Variants in UNC13C observed in about 807,000 individuals in gnomAD.
The protein encoded by UNC13C is unc-13 homolog C.
UNC13C carries 174 observed loss-of-function variants against 245.4 expected under a neutral mutation model. That is an observed-to-expected ratio of 0.71 (90% CI 0.63 to 0.80). The LOEUF is 0.80. UNC13C is among the 30% of genes least tolerant of loss of function. The probability of loss-of-function intolerance (pLI) is 0.00; values close to 1 mark genes in which losing one functional copy is unlikely to be tolerated. For missense variants in UNC13C, 2,829 were observed against 2,602.9 expected (o/e 1.09, Z -1.89); for synonymous variants, 992 against 895.1 (o/e 1.11, Z -1.93).
intron 17 of UNC13C, among the ~76,000 whole-genome samples, chr15:54,355,646 C>T (rs763935811): frequency 7.3e-4 from 111 of 152,072 alleles, no homozygotes; most frequent in Non-Finnish European, 1.5e-3. Flanking sequence ...GTGTGAGCCA[C>T]AGCACCCAGC....
intron 19 of UNC13C, among the ~76,000 whole-genome samples, chr15:54,462,366 C>G (rs1891894281): frequency 6.6e-6 from 1 of 152,342 alleles, no homozygotes; most frequent in African/African-American, 2.4e-5. Flanking sequence ...GCTTGAGGAG[C>G]CCTTCAGCCC....
chr15:53,899,738 A>T, the UNC13C span, among the ~76,000 whole-genome samples: 2 of 151,930 alleles, frequency 1.3e-5, no homozygotes, highest in African/African-American at 4.8e-5. Context: ...CTATTTTTGT[A>T]TTTTTAGTAG....
chr15:54,564,978 AG>A (rs1017042351), intron 29 of UNC13C, among the ~76,000 whole-genome samples: 1 of 151,926 alleles, frequency 6.6e-6, no homozygotes, highest in Admixed American at 6.6e-5. Flanking sequence ...CGAGACTCCC[AG>A]GGTTTGTCTT....
At chr15:54,318,702 A>G (rs2038072709) in intron 13 of UNC13C, among the ~76,000 whole-genome samples, 1 of 151,874 alleles carries the variant, frequency 6.6e-6, no homozygotes, top group Admixed American at 6.6e-5. Flanking sequence ...CTCATCCTGC[A>G]GGTTATCTCT....
At chr15:54,309,175 T>C (rs1334118992) in intron 13 of UNC13C, among the ~76,000 whole-genome samples, 2 of 151,870 alleles carry the variant, frequency 1.3e-5, no homozygotes, top group Non-Finnish European at 2.9e-5. Flanking sequence ...TGTTATCTTT[T>C]ACCTTTTTTG....
intron 2 of UNC13C, among the ~76,000 whole-genome samples, chr15:54,030,269 T>C (rs1896301424): frequency 6.6e-6 from 1 of 152,088 alleles, no homozygotes; most frequent in Non-Finnish European, 1.5e-5. Context: ...CTCATTTTGC[T>C]CCTGAGGTGA....
At chr15:53,919,603 C>G in the UNC13C span, among the ~76,000 whole-genome samples, 1 of 152,144 alleles carries the variant, frequency 6.6e-6, no homozygotes, top group Non-Finnish European at 1.5e-5. Flanking sequence ...TGTAATATTC[C>G]AAGGAGCTGA....
intron 2 of UNC13C, among the ~76,000 whole-genome samples, chr15:54,117,224 A>T (rs1312351533): frequency 1.3e-5 from 2 of 151,916 alleles, no homozygotes; most frequent in East Asian, 3.9e-4. Flanking sequence ...ATTCCGTGGG[A>T]TATCTCTTCA....
At chr15:54,173,239 C>T (rs972160376) in intron 4 of UNC13C, among the ~76,000 whole-genome samples, 3 of 151,970 alleles carry the variant, frequency 2.0e-5, no homozygotes, top group Non-Finnish European at 2.9e-5. Context: ...TAAATTTTTA[C>T]AAGGTCTACT....
intron 13 of UNC13C, among the ~76,000 whole-genome samples, chr15:54,313,806 A>T (rs2037936345): frequency 6.6e-6 from 1 of 151,760 alleles, no homozygotes; most frequent in African/African-American, 2.4e-5. Context: ...TAAAATCATT[A>T]TGTCAAAGAT....
chr15:54,585,571 T>A (rs1054477467), intron 30 of UNC13C, among the ~76,000 whole-genome samples: 4 of 152,204 alleles, frequency 2.6e-5, no homozygotes, highest in African/African-American at 9.7e-5. Flanking sequence ...ATTTAACAGA[T>A]GCTTATATAT....
intron 2 of UNC13C, among the ~76,000 whole-genome samples, chr15:54,023,680 A>G (rs1895991264): frequency 6.6e-6 from 1 of 152,204 alleles, no homozygotes; most frequent in Non-Finnish European, 1.5e-5. Flanking sequence ...CAGTTAAGTT[A>G]TGTTATAACT....
intron 13 of UNC13C, chr15:54,321,689 T>TTTAGACC: frequency 2.3e-6 from 1 of 428,602 alleles, no homozygotes; most frequent in Non-Finnish European, 4.1e-6. Flanking sequence ...CAAGGGAGAC[T>TTTAGACC]TTAACAATGC....
chr15:54,124,628 A>C (rs2030911062), intron 2 of UNC13C, among the ~76,000 whole-genome samples: 1 of 146,116 alleles, frequency 6.8e-6, no homozygotes, highest in Non-Finnish European at 1.5e-5. Flanking sequence ...CAATTTTTTA[A>C]ATGTTGAAGT....
chr15:53,911,427 C>G, the UNC13C span: 2 of 152,300 alleles, frequency 1.3e-5, no homozygotes. Flanking sequence ...CCAATGGGAC[C>G]GCAGGCGAGA....
chr15:54,546,263 G>A (rs555510540), intron 26 of UNC13C, among the ~76,000 whole-genome samples: 1 of 152,234 alleles, frequency 6.6e-6, no homozygotes, highest in Admixed American at 6.5e-5. Flanking sequence ...AGTGGGAGTT[G>A]AACAATGAGA....
At chr15:54,187,618 G>A (rs985769840) in intron 4 of UNC13C, among the ~76,000 whole-genome samples, 2 of 151,994 alleles carry the variant, frequency 1.3e-5, no homozygotes, top group African/African-American at 4.8e-5. Context: ...CTCTCAGTCA[G>A]CCTGTCCTCA....
At chr15:54,202,081 T>A (rs2034541855) in intron 4 of UNC13C, among the ~76,000 whole-genome samples, 2 of 150,368 alleles carry the variant, frequency 1.3e-5, no homozygotes, top group Non-Finnish European at 3.0e-5. Context: ...CAAAAAAAAA[T>A]TAAATAAATT....
the UNC13C span, among the ~76,000 whole-genome samples, chr15:53,886,575 A>G: frequency 2.0e-5 from 3 of 152,204 alleles, no homozygotes; most frequent in Admixed American, 6.6e-5. Context: ...ACAACAAGTA[A>G]TCTATGAAGA....
Sources: gnomAD v4.1 joint callset for allele counts (sites outside exome capture counted in the v4.1 genomes callset) on GRCh38, gnomAD v4.1.1 for gene constraint, MANE v1.5 for transcripts, NCBI Gene and HGNC (gene_info 2026-07-23, HGNC 2026-07-21) for gene names.